The following RIMS1 variants were observed in gnomAD, a reference collection of about 807,000 sequenced individuals.
The protein encoded by RIMS1 is regulating synaptic membrane exocytosis protein 1.
A neutral mutation model predicts 214.1 loss-of-function variants in RIMS1; 83 were observed. The observed-to-expected ratio is 0.39, with a 90% confidence interval of 0.32 to 0.47. The LOEUF is 0.47. Ranked by LOEUF, RIMS1 falls within the 20% of genes least tolerant of loss-of-function variation. The pLI is 0.99. For missense variants in RIMS1, 2,050 were observed against 2,161.8 expected (o/e 0.95, Z 1.03); for synonymous variants, 793 against 786.8 (o/e 1.01, Z -0.13).
chr6:72,302,669 A>G (rs568557798), intron 26 of RIMS1, among the ~76,000 whole-genome samples: 1 of 151,808 alleles, frequency 6.6e-6, no homozygotes. Flanking sequence ...GTTGCTATAC[A>G]ACAAGGAAGC....
intron 26 of RIMS1, among the ~76,000 whole-genome samples, chr6:72,294,876 C>T (rs541594984): frequency 2.2e-4 from 33 of 151,678 alleles, no homozygotes; most frequent in Admixed American, 8.5e-4. Flanking sequence ...CAGATTTTTG[C>T]GGTAGAGTAC....
At chr6:72,171,821 C>T (rs1436560607) in intron 4 of RIMS1, among the ~76,000 whole-genome samples, 3 of 152,068 alleles carry the variant, frequency 2.0e-5, no homozygotes, top group African/African-American at 7.2e-5. Context: ...GTGTAGTTCC[C>T]TAACTCTTGT....
At chr6:72,110,182 C>A (rs1454366551) in intron 4 of RIMS1, among the ~76,000 whole-genome samples, 1 of 152,142 alleles carries the variant, frequency 6.6e-6, no homozygotes, top group Non-Finnish European at 1.5e-5. Context: ...CTTGGCAATG[C>A]AGGCCCTTTT....
rs375538173 is a variant in RIMS1 at position 72,259,662 on chromosome 6, T to A, written c.3053+551T>A. ...TTCTTATGGGGATATGTGCTTAGATTTAATTCTGCATTTGTGAACTAATAT... is the reference window on the plus strand; with the variant it reads ...TTCTTATGGGGATATGTGCTTAGATATAATTCTGCATTTGTGAACTAATAT... On this transcript the variant is annotated intron_variant, in intron 18 of 33. Transcript: ENST00000521978. Among the ~76,000 whole-genome samples, 118 of 152,276 alleles carry A rather than the reference T, an allele frequency of 7.7e-4. 3 individuals are homozygous for A. The South Asian group carries it at 0.024, about 31-fold the overall frequency.
intron 29 of RIMS1, among the ~76,000 whole-genome samples, chr6:72,364,231 A>G (rs142943284): frequency 3.4e-4 from 51 of 152,136 alleles, no homozygotes; most frequent in African/African-American, 1.1e-3. Context: ...CCAGCTTTTT[A>G]CACTGTTTTG....
chr6:72,063,103 C>G (rs1397044173), intron 2 of RIMS1, among the ~76,000 whole-genome samples: 1 of 152,078 alleles, frequency 6.6e-6, no homozygotes, highest in Non-Finnish European at 1.5e-5. Flanking sequence ...GAAGAATGAA[C>G]TTAATTCCAG....
intron 28 of RIMS1, among the ~76,000 whole-genome samples, chr6:72,316,441 C>T (rs1050243166): frequency 2.6e-5 from 4 of 152,148 alleles, no homozygotes; most frequent in South Asian, 2.1e-4. Flanking sequence ...CACAACCACG[C>T]GTGGGGTAGT....
At chr6:71,978,582 A>C (rs2151452679) in intron 2 of RIMS1, among the ~76,000 whole-genome samples, 1 of 152,238 alleles carries the variant, frequency 6.6e-6, no homozygotes, top group South Asian at 2.1e-4. Context: ...CCAGTCAAGA[A>C]GAAAAAGAAT....
intron 24 of RIMS1, among the ~76,000 whole-genome samples, chr6:72,288,796 G>A (rs1055066864): frequency 2.0e-5 from 3 of 152,026 alleles, no homozygotes; most frequent in African/African-American, 7.2e-5. Flanking sequence ...GGCTTTCTAC[G>A]CTTCTCCTTT....
intron 1 of RIMS1, among the ~76,000 whole-genome samples, chr6:71,939,742 G>T (rs528055905): frequency 2.6e-5 from 4 of 152,288 alleles, no homozygotes; most frequent in Non-Finnish European, 4.4e-5. Context: ...GAGCTTTCAT[G>T]ACCTAATAAC....
chr6:72,031,282 T>A (rs1818037849), intron 2 of RIMS1, among the ~76,000 whole-genome samples: 1 of 152,152 alleles, frequency 6.6e-6, no homozygotes, highest in South Asian at 2.1e-4. Flanking sequence ...GTGGGGATTT[T>A]AGTTCCACCA....
chr6:72,350,873 G>C (rs1222974453), intron 29 of RIMS1, among the ~76,000 whole-genome samples: 1 of 152,086 alleles, frequency 6.6e-6, no homozygotes, highest in Non-Finnish European at 1.5e-5. Context: ...AAAATAAAAG[G>C]CTGATCAGAT....
chr6:72,340,299 T>C (rs1399413580), intron 29 of RIMS1, among the ~76,000 whole-genome samples: 1 of 151,706 alleles, frequency 6.6e-6, no homozygotes, highest in African/African-American at 2.4e-5. Context: ...TTAGATCCCA[T>C]TTGTCAATTT....
At chr6:72,400,198 A>T (rs532748301) in intron 33 of RIMS1, among the ~76,000 whole-genome samples, 1 of 152,292 alleles carries the variant, frequency 6.6e-6, no homozygotes, top group Non-Finnish European at 1.5e-5. Flanking sequence ...TGTTGCATTC[A>T]TATAAAAATA....
In RIMS1 at chr6:72,026,459, C is replaced by A. The variant is rs573887958; in HGVS notation, c.245+57396C>A. 2.2e-5 allele frequency among the ~76,000 whole-genome samples: 3 copies of A among 137,428 alleles called. 1 individual carries two copies. The highest frequency in any genetic ancestry group is 5.3e-4 in the South Asian group (2 of 3,764). 90.2% of individuals were successfully genotyped at this position (137,428 alleles called of 152,430 possible). ...GTATTCTTCTCCCCCAGCACCGCCC[C>A]CCCCCCCAACTTTTTTTTTTCAAAC... On this transcript the variant is annotated intron_variant, in intron 2 of 33. Transcript: ENST00000521978.
intron 2 of RIMS1, among the ~76,000 whole-genome samples, chr6:72,084,327 C>T (rs1312344305): frequency 6.6e-6 from 1 of 152,176 alleles, no homozygotes; most frequent in Non-Finnish European, 1.5e-5. Flanking sequence ...TTAAAAATTA[C>T]ATTCCTAATT....
At chr6:72,274,453 A>G (rs1449712177) in intron 23 of RIMS1, 21 bp downstream of exon 23, 5 of 1,588,432 alleles carry the variant, frequency 3.1e-6, no homozygotes, top group Non-Finnish European at 4.3e-6. Context: ...ACTCCTCCTC[A>G]CAGACAAGTG....
intron 4 of RIMS1, among the ~76,000 whole-genome samples, chr6:72,158,876 A>T (rs2044847141): frequency 7.1e-6 from 1 of 140,250 alleles, no homozygotes; most frequent in African/African-American, 2.5e-5. Context: ...ATATGTGTGC[A>T]TGTGTCTTTA....
chr6:72,050,282 T>G (rs1210220534), intron 2 of RIMS1, among the ~76,000 whole-genome samples: 3 of 151,850 alleles, frequency 2.0e-5, no homozygotes, highest in Admixed American at 6.6e-5. Flanking sequence ...AAATTATTTG[T>G]TTTTTTTCCA....
Sources: allele counts gnomAD v4.1 joint callset (sites outside exome capture counted in the v4.1 genomes callset), GRCh38; gene constraint gnomAD v4.1.1; transcripts MANE v1.5; gene names NCBI Gene and HGNC (gene_info 2026-07-23, HGNC 2026-07-21).